Variants in ANTXR1 observed in about 807,000 individuals in gnomAD.
ANTXR1 encodes ANTXR cell adhesion molecule 1, also known as anthrax toxin receptor 1.
ANTXR1 carries 19 observed loss-of-function variants against 78.1 expected under a neutral mutation model. The observed-to-expected ratio is 0.24, with a 90% CI of 0.17 to 0.36. ANTXR1 has a LOEUF of 0.36. Ranked by LOEUF, ANTXR1 falls within the 10% of genes least tolerant of loss-of-function variation. The pLI, the probability that ANTXR1 is intolerant of heterozygous loss-of-function variation, is 1.00. For synonymous variants in ANTXR1, 273 were observed against 260.5 expected (o/e 1.05, Z -0.46); for missense variants, 518 against 718.6 (o/e 0.72, Z 3.19).
intron 12 of ANTXR1, chr2:69,146,242 AC>A (rs1423776654): frequency 1.0e-6 from 1 of 985,140 alleles, no homozygotes; most frequent in Non-Finnish European, 1.2e-6. Context: ...GGAAGATGCA[AC>A]CCCATGGGCT....
rs367857527 is a variant in ANTXR1 at position 69,162,776 on chromosome 2, C to A, written c.1048-7472C>A. On this transcript the variant is annotated intron_variant, in intron 13 of 17. Coordinates refer to ENST00000303714, the MANE Select transcript of ANTXR1 (RefSeq NM_032208.3). ...GATACACTGAAAATTCTCTGTGTAT[C>A]ACCATTTCTCCTGTAACATGAAATG... Among the ~76,000 whole-genome samples the A allele has an allele frequency of 1.4e-4, 22 of 152,250 alleles. 1 individual carries two copies. Among genetic ancestry groups the A allele is most frequent in the African/African-American group, 5.1e-4 (21 of 41,558 alleles).
intron 16 of ANTXR1, among the ~76,000 whole-genome samples, chr2:69,190,781 T>A (rs948589145): frequency 6.6e-6 from 1 of 152,202 alleles, no homozygotes; most frequent in Non-Finnish European, 1.5e-5. Flanking sequence ...CTACTCATTC[T>A]CCTGGTATTA....
chr2:69,111,037 C>T (rs2104343542), intron 10 of ANTXR1, among the ~76,000 whole-genome samples: 1 of 152,248 alleles, frequency 6.6e-6, no homozygotes, highest in East Asian at 1.9e-4. Context: ...TTTCTAAGTT[C>T]TCTGGGATCA....
rs144438225 is a variant in ANTXR1, at chr2:69,182,619, C to T, written c.1312C>T (p.Arg438Cys). The T allele has an allele frequency of 3.5e-4, 557 of 1,614,010 alleles. No individual in the cohort carries two copies. The highest frequency in any genetic ancestry group is 9.9e-4 in the Middle Eastern group (6 of 6,084). ...GCCGCGAAATCTCAACAACAATATG[C>T]GTCGGCCTTCTTCCCCCCGGAAGTG... is the stretch of plus-strand genomic sequence containing the variant. ...PEPRNLNNNM[R>C]RPSSPRKWYS... The change falls in exon 16 of 18, where the codon CGT becomes TGT. Residue 438 changes from arginine (R) to cysteine (C), a missense_variant. Physicochemically the swap from Arg to Cys is radical, Grantham distance 180. This residue lies in a region of ANTXR1 where 192 missense variants were observed against 230.2 expected (regional missense o/e 0.83). Coordinates refer to ENST00000303714, the MANE Select transcript of ANTXR1 (RefSeq NM_032208.3).
intron 3 of ANTXR1, among the ~76,000 whole-genome samples, chr2:69,058,787 G>T (rs542441997): frequency 6.6e-6 from 1 of 152,198 alleles, no homozygotes; most frequent in Non-Finnish European, 1.5e-5. Context: ...AAAACCTTTG[G>T]GAAAGGATTC....
At chr2:69,131,124 T>C (rs953952131) in intron 12 of ANTXR1, among the ~76,000 whole-genome samples, 1 of 152,222 alleles carries the variant, frequency 6.6e-6, no homozygotes, top group African/African-American at 2.4e-5. Context: ...TTCAGAATCT[T>C]GGGATTCTTA....
At chr2:69,121,775 T>C (rs1672354721) in intron 10 of ANTXR1, among the ~76,000 whole-genome samples, 1 of 152,240 alleles carries the variant, frequency 6.6e-6, no homozygotes, top group Admixed American at 6.5e-5. Flanking sequence ...ACAGCCTTTT[T>C]GTACAGCACA....
chr2:69,024,367 C>T (rs955291472), intron 1 of ANTXR1, among the ~76,000 whole-genome samples: 17 of 152,230 alleles, frequency 1.1e-4, no homozygotes, highest in Admixed American at 4.6e-4. Context: ...TAAATAATAT[C>T]AAGATAATAT....
rs1294904635 is a variant in ANTXR1, at chr2:69,096,296, G to A, written c.703+5377G>A. The stretch of plus-strand genomic sequence containing the variant: ...AGGAAGGAAGGAAGGAAGGGAGGAA[G>A]GGAGGAAGGGAGGAAGGGAGGAAGG... On this transcript the variant is annotated intron_variant, in intron 9 of 17. Transcript: ENST00000303714. Among the ~76,000 whole-genome samples the A allele has an allele frequency of 9.3e-3, 20 of 2,162 alleles. 3 individuals are homozygous for A. The highest frequency in any genetic ancestry group is 0.084 in the African/African-American group (18 of 214). The allele number at this position is 2,162 out of a possible 152,430, so 1.4% of individuals were successfully genotyped here.
chr2:69,035,958 G>A (rs1669400543), intron 1 of ANTXR1, among the ~76,000 whole-genome samples: 1 of 152,160 alleles, frequency 6.6e-6, no homozygotes, highest in Non-Finnish European at 1.5e-5. Flanking sequence ...TCAGATAGAA[G>A]TATAGTGAAA....
At chr2:69,169,209 C>T (rs763527769) in intron 13 of ANTXR1, among the ~76,000 whole-genome samples, 2 of 152,214 alleles carry the variant, frequency 1.3e-5, no homozygotes, top group African/African-American at 4.8e-5. Context: ...GGGCTGTGCC[C>T]GAGCACCCAA....
chr2:69,077,633 C>T (rs1296187721), intron 8 of ANTXR1, 145 bp downstream of exon 8: 15 of 858,774 alleles, frequency 1.7e-5, no homozygotes, highest in African/African-American at 3.3e-5. Context: ...GTGTCTGCCA[C>T]GTCCCATCTC....
intron 1 of ANTXR1, among the ~76,000 whole-genome samples, chr2:69,030,210 GTC>G (rs1671490059): frequency 6.6e-6 from 1 of 152,132 alleles, no homozygotes; most frequent in South Asian, 2.1e-4. Context: ...AGATGGATTT[GTC>G]TCTGTGAAGG....
intron 14 of ANTXR1, among the ~76,000 whole-genome samples, chr2:69,175,304 A>G (rs1674090818): frequency 6.6e-6 from 1 of 152,098 alleles, no homozygotes; most frequent in African/African-American, 2.4e-5. Context: ...ATGTCTCATC[A>G]TGAAGCTTTA....
intron 14 of ANTXR1, among the ~76,000 whole-genome samples, chr2:69,173,236 T>A (rs1674038767): frequency 6.6e-6 from 1 of 152,180 alleles, no homozygotes; most frequent in Non-Finnish European, 1.5e-5. Flanking sequence ...TGCCTTCTCT[T>A]ACTGGCCGCC....
chr2:69,189,061 T>C (rs896006608), intron 16 of ANTXR1, among the ~76,000 whole-genome samples: 1 of 152,230 alleles, frequency 6.6e-6, no homozygotes, highest in Non-Finnish European at 1.5e-5. Context: ...TTGCAAACAC[T>C]GTTTTTCTAA....
At chr2:69,145,397 C>T in intron 12 of ANTXR1, 1 of 1,584,806 alleles carries the variant, frequency 6.3e-7, no homozygotes, top group Non-Finnish European at 8.6e-7. Context: ...CGCCTGCTCC[C>T]TCCGGACAGC....
At chr2:69,052,117 T>C (rs958681555) in intron 3 of ANTXR1, among the ~76,000 whole-genome samples, 6 of 152,118 alleles carry the variant, frequency 3.9e-5, no homozygotes, top group African/African-American at 1.4e-4. Flanking sequence ...TTTTAAGAAA[T>C]ATTTGCATTG....
intron 17 of ANTXR1, among the ~76,000 whole-genome samples, chr2:69,225,494 TTAAA>T (rs1675423978): frequency 6.6e-6 from 1 of 152,156 alleles, no homozygotes; most frequent in African/African-American, 2.4e-5. Context: ...TTTTATTTTA[TTAAA>T]TAATTTAAAA....
Sources: gnomAD v4.1 joint callset for allele counts (sites outside exome capture counted in the v4.1 genomes callset) on GRCh38, gnomAD v4.1.1 for gene constraint, gnomAD v4.1.1 regional missense constraint, MANE v1.5 for transcripts, NCBI Gene and HGNC (gene_info 2026-07-23, HGNC 2026-07-21) for gene names.